Variants in ADAMTS2 observed in about 807,000 individuals in gnomAD.
ADAMTS2 encodes the protein A disintegrin and metalloproteinase with thrombospondin motifs 2.
A neutral mutation model predicts 123.0 loss-of-function variants in ADAMTS2; 50 were observed. The observed-to-expected ratio is 0.41, with a 90% CI of 0.32 to 0.51. ADAMTS2 has a LOEUF of 0.51. Among genes scored for constraint, ADAMTS2 ranks in the 20% least tolerant of loss-of-function variants. The probability of loss-of-function intolerance (pLI) is 0.35; values close to 1 mark genes in which losing one functional copy is unlikely to be tolerated. For missense variants in ADAMTS2, 1,494 were observed against 1,705.2 expected (o/e 0.88, Z 2.18); for synonymous variants, 678 against 695.4 (o/e 0.98, Z 0.39).
intron 3 of ADAMTS2, among the ~76,000 whole-genome samples, chr5:179,251,435 C>T (rs1443970985): frequency 2.6e-5 from 4 of 152,224 alleles, no homozygotes; most frequent in African/African-American, 9.6e-5. Flanking sequence ...AATTAAACAA[C>T]GAGGCCAGTG....
At chr5:179,148,997 G>T (rs569323433) in intron 10 of ADAMTS2, among the ~76,000 whole-genome samples, 1 of 152,136 alleles carries the variant, frequency 6.6e-6, no homozygotes, top group Non-Finnish European at 1.5e-5. Context: ...TGCCCCCAAA[G>T]CTCCCCTCAC....
chr5:179,292,800 G>A (rs1756225098), intron 2 of ADAMTS2, among the ~76,000 whole-genome samples: 2 of 152,194 alleles, frequency 1.3e-5, no homozygotes, highest in South Asian at 4.1e-4. Context: ...CTGGAGTGCA[G>A]ACCACTGCCC....
At chr5:179,338,193 C>G (rs1757673073) in intron 2 of ADAMTS2, among the ~76,000 whole-genome samples, 1 of 152,150 alleles carries the variant, frequency 6.6e-6, no homozygotes, top group Non-Finnish European at 1.5e-5. Context: ...CTATGCCGGC[C>G]TTCATGAGGG....
At chr5:179,153,428 C>CCCAACACCAGCACG in intron 9 of ADAMTS2, 63 bp downstream of exon 9, 2 of 1,597,056 alleles carry the variant, frequency 1.3e-6, no homozygotes, top group Non-Finnish European at 1.7e-6. Context: ...CGGGAGCTGC[C>CCCAACACCAGCACG]CCTACACCAG....
intron 2 of ADAMTS2, among the ~76,000 whole-genome samples, chr5:179,339,229 TG>T (rs1757700879): frequency 6.6e-6 from 1 of 152,166 alleles, no homozygotes; most frequent in Non-Finnish European, 1.5e-5. Context: ...GGTTTGAAGA[TG>T]GGCCTCCAAT....
chr5:179,335,601 A>C (rs1757593515), intron 2 of ADAMTS2, among the ~76,000 whole-genome samples: 1 of 152,222 alleles, frequency 6.6e-6, no homozygotes, highest in African/African-American at 2.4e-5. Flanking sequence ...CTGAGGTTTC[A>C]TTTGCAACTG....
chr5:179,297,808 G>A (rs775591528), intron 2 of ADAMTS2, among the ~76,000 whole-genome samples: 3 of 152,202 alleles, frequency 2.0e-5, no homozygotes, highest in East Asian at 1.9e-4. Context: ...CCCCTGCTGC[G>A]TCTTCGGCCT....
chr5:179,131,687 G>A (rs1364528373), intron 15 of ADAMTS2, among the ~76,000 whole-genome samples: 1 of 152,260 alleles, frequency 6.6e-6, no homozygotes, highest in Admixed American at 6.5e-5. Context: ...CCCAGGCAGC[G>A]CTGCTTCGTG....
At chr5:179,119,979 A>G (rs1170876654) in intron 21 of ADAMTS2, among the ~76,000 whole-genome samples, 4 of 152,140 alleles carry the variant, frequency 2.6e-5, no homozygotes, top group Non-Finnish European at 5.9e-5. Flanking sequence ...ATTTTGGAAA[A>G]TACCTGGGGA....
chr5:179,177,750 C>CG (rs1763962528), intron 5 of ADAMTS2, among the ~76,000 whole-genome samples: 1 of 151,620 alleles, frequency 6.6e-6, no homozygotes, highest in African/African-American at 2.4e-5. Flanking sequence ...CTACCTGAGG[C>CG]AGTTAAGGAA....
At chr5:179,166,635 A>C (rs1398874328) in intron 5 of ADAMTS2, among the ~76,000 whole-genome samples, 2 of 152,130 alleles carry the variant, frequency 1.3e-5, no homozygotes, top group African/African-American at 4.8e-5. Flanking sequence ...TCCCAGCCCC[A>C]TCCTGGCCGC....
intron 3 of ADAMTS2, among the ~76,000 whole-genome samples, chr5:179,266,543 A>G (rs1409157537): frequency 6.6e-6 from 1 of 152,198 alleles, no homozygotes. Context: ...CCCTGCCAGC[A>G]CCTTGATCTT....
Position 179,155,571 on chromosome 5 carries a change from G to A in ADAMTS2, c.1133-652C>T, listed in dbSNP as rs1357593159. ...AGGTCAGAGCCGCCGTAGAAGATGA[G>A]GCCAGTGGCCTACGACAGCCCAGGG... On this transcript the variant is annotated intron_variant, in intron 6 of 21. Coordinates refer to ENST00000251582, the MANE Select transcript of ADAMTS2 (RefSeq NM_014244.5). This position sits in a 1 kb window ranked among gnomAD's most constrained non-coding sequence, Gnocchi z 5.1. Among the ~76,000 whole-genome samples, 4 of 152,224 alleles carry A rather than the reference G, an allele frequency of 2.6e-5. No homozygotes were observed. The highest frequency in any genetic ancestry group is 9.6e-5 in the African/African-American group (4 of 41,460).
At chr5:179,238,830 C>T (rs1765594642) in intron 3 of ADAMTS2, among the ~76,000 whole-genome samples, 1 of 152,118 alleles carries the variant, frequency 6.6e-6, no homozygotes, top group Non-Finnish European at 1.5e-5. Flanking sequence ...AGAAGACAGA[C>T]ATGATCCAGC....
chr5:179,321,305 C>T (rs1481642864), intron 2 of ADAMTS2, among the ~76,000 whole-genome samples: 4 of 152,138 alleles, frequency 2.6e-5, no homozygotes, highest in Non-Finnish European at 4.4e-5. Flanking sequence ...GACTGCACAC[C>T]CTCCGCAGCT....
rs1184563214 is a variant in ADAMTS2 at position 179,170,415 on chromosome 5, C to G, written c.975+10657G>C. 6.6e-6 allele frequency among the ~76,000 whole-genome samples: 1 copy of G among 152,124 alleles called. No homozygotes were observed. Among genetic ancestry groups the G allele is most frequent in the African/African-American group, 2.4e-5 (1 of 41,436 alleles). On this transcript the variant is annotated intron_variant, in intron 5 of 21. Coordinates refer to ENST00000251582, the MANE Select transcript of ADAMTS2 (RefSeq NM_014244.5). The surrounding 1 kb of genome is among the most constrained non-coding windows in gnomAD (Gnocchi z 4.3). The stretch of plus-strand genomic sequence containing the variant: ...CCCCACCGTGGGGGGGACAGCTCAG[C>G]CCCCTCCTGACTGCCATCGCCTTGG...
At chr5:179,235,299 G>A (rs1419119445) in intron 3 of ADAMTS2, among the ~76,000 whole-genome samples, 2 of 152,328 alleles carry the variant, frequency 1.3e-5, no homozygotes, top group East Asian at 3.9e-4. Flanking sequence ...GCTCATGAAG[G>A]TTTGGCACAA....
At chr5:179,271,255 A>C (rs867299757) in intron 3 of ADAMTS2, among the ~76,000 whole-genome samples, 14 of 152,224 alleles carry the variant, frequency 9.2e-5, no homozygotes, top group African/African-American at 3.4e-4. Context: ...TGCCATGTTC[A>C]GGAAGACAAG....
intron 2 of ADAMTS2, among the ~76,000 whole-genome samples, chr5:179,330,058 G>A (rs557192894): frequency 6.4e-4 from 96 of 151,082 alleles, no homozygotes; most frequent in South Asian, 2.3e-3. Context: ...CCCGGGAAGC[G>A]GAGCTTGCAG....
Sources: gnomAD v4.1 joint callset for allele counts (sites outside exome capture counted in the v4.1 genomes callset) on GRCh38, gnomAD v4.1.1 for gene constraint, Gnocchi (gnomAD v3.1) non-coding constraint, MANE v1.5 for transcripts, NCBI Gene and HGNC (gene_info 2026-07-23, HGNC 2026-07-21) for gene names.